Variants in OPRM1 observed in about 807,000 individuals in gnomAD.
OPRM1 encodes mu-type opioid receptor.
In OPRM1, 27 loss-of-function variants were observed where a neutral mutation model predicts 31.8. The observed-to-expected ratio is 0.85, with a 90% CI of 0.63 to 1.17. OPRM1 has a LOEUF of 1.17. Among genes scored for constraint, OPRM1 ranks in the 50% most tolerant of loss-of-function variants. The pLI, the probability that OPRM1 is intolerant of heterozygous loss-of-function variation, is 0.00. For missense variants in OPRM1, 536 were observed against 511.1 expected, an observed-to-expected ratio of 1.05 and a Z score of -0.47; for synonymous variants, 196 against 189.9, an observed-to-expected ratio of 1.03 and a Z score of -0.26.
chr6:154,108,700 G>A (rs989099432), intron 3 of OPRM1: 1 of 764,806 alleles, frequency 1.3e-6, no homozygotes, highest in South Asian at 6.0e-5. Flanking sequence ...AACGAGAGGG[G>A]TCTCTAACAC....
At chr6:154,026,760 C>T (rs926291971) in intron 1 of OPRM1, among the ~76,000 whole-genome samples, 1 of 152,130 alleles carries the variant, frequency 6.6e-6, no homozygotes, top group African/African-American at 2.4e-5. Context: ...TTCAGTATGT[C>T]AGTTGCATTT....
At chr6:154,070,413 G>T (rs138804727) in intron 1 of OPRM1, among the ~76,000 whole-genome samples, 2 of 152,188 alleles carry the variant, frequency 1.3e-5, no homozygotes, top group African/African-American at 2.4e-5. Flanking sequence ...GATTCTTGAT[G>T]CTTCTACTCA....
At chr6:154,084,422 G>GACAC (rs148703564) in intron 1 of OPRM1, among the ~76,000 whole-genome samples, 9 of 150,942 alleles carry the variant, frequency 6.0e-5, no homozygotes, top group African/African-American at 1.7e-4. Flanking sequence ...CAGACAGACA[G>GACAC]ACACACACAC....
chr6:154,209,911 G>T (rs1777829917), intron 3 of OPRM1, among the ~76,000 whole-genome samples: 1 of 152,074 alleles, frequency 6.6e-6, no homozygotes, highest in Non-Finnish European at 1.5e-5. Flanking sequence ...GCCAAAAAAT[G>T]CTCAACTTAG....
chr6:154,060,548 G>A (rs1406758166), intron 1 of OPRM1, among the ~76,000 whole-genome samples: 1 of 152,110 alleles, frequency 6.6e-6, no homozygotes, highest in Non-Finnish European at 1.5e-5. Context: ...AAACAGATTG[G>A]AAAAGAATAA....
At chr6:154,246,703 C>T in exon 4 of OPRM1, 2 of 1,614,110 alleles carry the variant, frequency 1.2e-6, no homozygotes, top group Non-Finnish European at 1.7e-6. Flanking sequence ...CCACCCTTGG[C>T]AGTCAGCATG....
intron 1 of OPRM1, among the ~76,000 whole-genome samples, chr6:154,083,059 A>G (rs1313849626): frequency 1.3e-5 from 2 of 152,218 alleles, no homozygotes; most frequent in Non-Finnish European, 2.9e-5. Flanking sequence ...AAATTTTCAG[A>G]AATCGAATAA....
At chr6:154,176,102 G>A (rs1208740819) in intron 3 of OPRM1, among the ~76,000 whole-genome samples, 3 of 152,072 alleles carry the variant, frequency 2.0e-5, no homozygotes, top group Non-Finnish European at 4.4e-5. Flanking sequence ...TGCAGAAAAG[G>A]CCTTCAACAA....
At chr6:154,223,135 G>C in intron 3 of OPRM1, 1 of 1,502,592 alleles carries the variant, frequency 6.7e-7, no homozygotes, top group Non-Finnish European at 9.3e-7. Flanking sequence ...TAGTATCCTG[G>C]CTCAGAGTTT....
chr6:154,215,790 T>G (rs1027621623), intron 3 of OPRM1, among the ~76,000 whole-genome samples: 1 of 152,034 alleles, frequency 6.6e-6, no homozygotes, highest in Admixed American at 6.6e-5. Flanking sequence ...CAAAAATGTA[T>G]ATCAAGTCTC....
intron 3 of OPRM1, among the ~76,000 whole-genome samples, chr6:154,113,230 C>T (rs536715524): frequency 1.3e-5 from 2 of 152,308 alleles, no homozygotes; most frequent in East Asian, 3.9e-4. Context: ...CCTGGCCTGT[C>T]TCTAAAATGT....
chr6:154,101,846 A>G (rs889284879), intron 3 of OPRM1, among the ~76,000 whole-genome samples: 1 of 152,254 alleles, frequency 6.6e-6, no homozygotes, highest in Admixed American at 6.5e-5. Context: ...TTACATAAAC[A>G]TATGTAAATT....
At chr6:154,115,947 C>T (rs1796831697) in intron 3 of OPRM1, among the ~76,000 whole-genome samples, 1 of 152,194 alleles carries the variant, frequency 6.6e-6, no homozygotes, top group African/African-American at 2.4e-5. Context: ...GCCCACATTG[C>T]CTTATGATCA....
intron 3 of OPRM1, among the ~76,000 whole-genome samples, chr6:154,142,146 G>A (rs1165034221): frequency 1.9e-5 from 1 of 53,084 alleles, no homozygotes; most frequent in African/African-American, 6.4e-5. Flanking sequence ...TTGTGTTACA[G>A]TGGGTAGCTC....
At chr6:154,142,105 CCCCTCCAACCTCT>C (rs1798230026) in intron 3 of OPRM1, among the ~76,000 whole-genome samples, 1 of 52,538 alleles carries the variant, frequency 1.9e-5, no homozygotes, top group Admixed American at 2.3e-4. Context: ...TGTAATCTGT[CCCCTCCAACCTCT>C]GGCCGTCTCT....
intron 3 of OPRM1, chr6:154,246,603 A>C: frequency 5.0e-6 from 8 of 1,613,268 alleles, no homozygotes; most frequent in Non-Finnish European, 6.8e-6. Flanking sequence ...TTTGATTGCT[A>C]TACCAGTACA....
chr6:154,054,796 C>A (rs1421947282), intron 1 of OPRM1, among the ~76,000 whole-genome samples: 2 of 152,192 alleles, frequency 1.3e-5, no homozygotes, highest in African/African-American at 2.4e-5. Context: ...ATACCCCATT[C>A]TCTGTGATGT....
At chr6:154,036,361 T>C (rs1419450301), upstream of OPRM1, among the ~76,000 whole-genome samples, 3 of 152,050 alleles carry the variant, frequency 2.0e-5, no homozygotes, top group Admixed American at 1.3e-4. Flanking sequence ...GAATATTCTA[T>C]ATTCAAAATA....
chr6:154,132,764 T>C (rs1323524885), downstream of OPRM1, among the ~76,000 whole-genome samples: 4 of 152,220 alleles, frequency 2.6e-5, no homozygotes, highest in Non-Finnish European at 5.9e-5. Context: ...ATTCAGAGCA[T>C]GCTCTGGGTT....
Sources: gnomAD v4.1 joint callset for allele counts (sites outside exome capture counted in the v4.1 genomes callset) on GRCh38, gnomAD v4.1.1 for gene constraint, MANE v1.5 for transcripts, NCBI Gene and HGNC (gene_info 2026-07-23, HGNC 2026-07-21) for gene names.